Variants in POU6F2 observed in about 807,000 individuals in gnomAD.
The protein encoded by POU6F2 is POU domain, class 6, transcription factor 2.
POU6F2 carries 31 observed loss-of-function variants against 71.3 expected under a neutral mutation model. The ratio of observed to expected loss-of-function variants is 0.43; its 90% CI spans 0.33 to 0.59. The LOEUF is 0.59. POU6F2 is among the 20% of genes least tolerant of loss of function. The pLI, the probability that POU6F2 is intolerant of heterozygous loss-of-function variation, is 0.04. For synonymous variants in POU6F2, 347 were observed against 355.7 expected (o/e 0.98, Z 0.27); for missense variants, 783 against 856.8 (o/e 0.91, Z 1.07).
chr7:39,167,972 T>G (rs1195471402), intron 2 of POU6F2, among the ~76,000 whole-genome samples: 1 of 152,108 alleles, frequency 6.6e-6, no homozygotes. Flanking sequence ...CCATATTTTT[T>G]TGATACTTTC....
At chr7:39,053,375 T>C (rs1790437206) in intron 1 of POU6F2, among the ~76,000 whole-genome samples, 2 of 152,100 alleles carry the variant, frequency 1.3e-5, no homozygotes, top group Non-Finnish European at 2.9e-5. Context: ...ATCCTGATAA[T>C]TCTTGTCTTT....
chr7:39,229,017 A>C (rs1156650731), intron 4 of POU6F2, among the ~76,000 whole-genome samples: 1 of 152,138 alleles, frequency 6.6e-6, no homozygotes, highest in African/African-American at 2.4e-5. Context: ...TGCTGATCAG[A>C]TAGCCATCTC....
intron 1 of POU6F2, among the ~76,000 whole-genome samples, chr7:39,015,854 T>TATATATTATATATTATATATAG (rs1562670717): frequency 9.8e-5 from 2 of 20,378 alleles, no homozygotes; most frequent in Admixed American, 1.0e-3. Flanking sequence ...TATATATAGA[T>TATATATTATATATTATATATAG]ATATATAATA....
chr7:39,362,935 C>T (rs1248327598), intron 5 of POU6F2, among the ~76,000 whole-genome samples: 1 of 152,070 alleles, frequency 6.6e-6, no homozygotes, highest in African/African-American at 2.4e-5. Flanking sequence ...ACAAAGTGGG[C>T]AAGGGACAGA....
intron 6 of POU6F2, among the ~76,000 whole-genome samples, chr7:39,431,634 GAAAAGCGAGC>G (rs1226102819): frequency 6.6e-6 from 1 of 152,170 alleles, no homozygotes; most frequent in Non-Finnish European, 1.5e-5. Flanking sequence ...GGGAAGGATG[GAAAAGCGAGC>G]ACGTGGGGTC....
intron 5 of POU6F2, chr7:39,404,873 G>C (rs1213948654): frequency 6.6e-6 from 1 of 151,910 alleles, no homozygotes; most frequent in Non-Finnish European, 1.5e-5. Flanking sequence ...TGGATGCATA[G>C]TTACCCCACC....
chr7:39,213,663 G>A (rs928206707), intron 4 of POU6F2, among the ~76,000 whole-genome samples: 2 of 152,136 alleles, frequency 1.3e-5, no homozygotes, highest in South Asian at 4.2e-4. Flanking sequence ...TTCTCATTCG[G>A]CATAATGTTT....
chr7:39,383,257 T>C (rs1382933102), intron 5 of POU6F2, among the ~76,000 whole-genome samples: 1 of 152,214 alleles, frequency 6.6e-6, no homozygotes, highest in Non-Finnish European at 1.5e-5. Flanking sequence ...CATTTTGTAA[T>C]ATTTCCATGC....
intron 1 of POU6F2, among the ~76,000 whole-genome samples, chr7:38,996,613 T>A (rs943589592): frequency 2.6e-5 from 4 of 152,222 alleles, no homozygotes; most frequent in Non-Finnish European, 5.9e-5. Flanking sequence ...AAGCATCATG[T>A]TGGATGCTAA....
chr7:39,406,673 C>A lies in POU6F2; in HGVS notation c.1046C>A (p.Ala349Asp), dbSNP rs772545735. The change falls in exon 6 of 10, where the codon GCC (alanine) becomes GAC (aspartate). Residue 349 changes from alanine to aspartate, a missense_variant. Around this residue, in one of 2 missense-constraint regions of POU6F2, gnomAD observed 572 missense variants for 572.9 expected, o/e 1.00. Coordinates refer to ENST00000518318, the MANE Select transcript of POU6F2 (RefSeq NM_001370959.1). ...AAMSSIASSQAFGNALSSLQG... is the reference protein window; with the variant it reads ...AAMSSIASSQDFGNALSSLQG... ...ATGAGCTCCATAGCAAGCTCACAGG[C>A]CTTTGGCAATGCCCTCTCCAGTCTT... 1.2e-6 allele frequency: 2 copies of A among 1,613,762 alleles called. No homozygotes were observed. Among genetic ancestry groups the A allele is most frequent in the South Asian group, 1.1e-5 (1 of 91,074 alleles).
intron 4 of POU6F2, among the ~76,000 whole-genome samples, chr7:39,263,455 C>T (rs1361707405): frequency 6.6e-6 from 1 of 152,208 alleles, no homozygotes; most frequent in African/African-American, 2.4e-5. Context: ...TTGGTCTAAA[C>T]TTCACTAGAC....
At chr7:39,428,425 G>A (rs1788021905) in intron 6 of POU6F2, among the ~76,000 whole-genome samples, 1 of 152,212 alleles carries the variant, frequency 6.6e-6, no homozygotes, top group African/African-American at 2.4e-5. Context: ...GCATTTTTCA[G>A]AGATGAATCA....
intron 2 of POU6F2, among the ~76,000 whole-genome samples, chr7:39,177,498 C>T (rs960882483): frequency 3.9e-5 from 6 of 152,128 alleles, no homozygotes; most frequent in African/African-American, 1.2e-4. Context: ...GGGAAAGAAG[C>T]GAAAGAAAAA....
At chr7:39,449,165 G>T (rs1788596058) in intron 7 of POU6F2, among the ~76,000 whole-genome samples, 1 of 152,186 alleles carries the variant, frequency 6.6e-6, no homozygotes, top group South Asian at 2.1e-4. Flanking sequence ...GCACAAGGTG[G>T]TTTCCTGGGA....
Position 39,466,286 on chromosome 7 carries a change from T to TAA in POU6F2, c.*1607_*1608dup, listed in dbSNP as rs34225205. Reference sequence around the variant, plus strand: ...ATGAGAACTAGAGGATTATTTCCTTTAAAAAAAATAACTTAAAAGATCTGT... The same window carrying TAA: ...ATGAGAACTAGAGGATTATTTCCTTTAAAAAAAAAATAACTTAAAAGATCTGT... On this transcript the variant is annotated 3_prime_UTR_variant, in exon 10 of 10. Transcript: ENST00000518318. 0.41 allele frequency: 62,531 copies of TAA among 151,724 alleles called. 13,039 individuals are homozygous for TAA. The highest frequency in any genetic ancestry group is 0.48 in the Admixed American group (7,357 of 15,248). 9.4% of individuals were successfully genotyped at this position (151,724 alleles called of 1,614,324 possible).
chr7:39,046,767 T>C (rs562248141), intron 1 of POU6F2, among the ~76,000 whole-genome samples: 2 of 152,066 alleles, frequency 1.3e-5, no homozygotes, highest in South Asian at 2.1e-4. Context: ...CATTATCAAA[T>C]GTCCCTTGGC....
At chr7:39,170,465 C>G (rs1793196977) in intron 2 of POU6F2, among the ~76,000 whole-genome samples, 1 of 152,052 alleles carries the variant, frequency 6.6e-6, no homozygotes, top group Non-Finnish European at 1.5e-5. Flanking sequence ...TTCCCAATTT[C>G]CCAACTTTGA....
chr7:39,182,312 C>T (rs1011336917), intron 2 of POU6F2, among the ~76,000 whole-genome samples: 3 of 152,018 alleles, frequency 2.0e-5, no homozygotes, highest in African/African-American at 4.8e-5. Flanking sequence ...TTTCACATTC[C>T]TCAAATGGAC....
chr7:39,080,098 A>G (rs1366500029), intron 1 of POU6F2, among the ~76,000 whole-genome samples: 1 of 152,210 alleles, frequency 6.6e-6, no homozygotes, highest in Non-Finnish European at 1.5e-5. Context: ...TAAAAATAAA[A>G]TATGGTCTTA....
Sources: gnomAD v4.1 joint callset for allele counts (sites outside exome capture counted in the v4.1 genomes callset) on GRCh38, gnomAD v4.1.1 for gene constraint, gnomAD v4.1.1 regional missense constraint, MANE v1.5 for transcripts, NCBI Gene and HGNC (gene_info 2026-07-23, HGNC 2026-07-21) for gene names.